The following GRAMD1A variants were observed in gnomAD, a reference collection of about 807,000 sequenced individuals.
GRAMD1A encodes protein Aster-A.
GRAMD1A carries 50 observed loss-of-function variants against 92.0 expected under a neutral mutation model. The observed-to-expected ratio is 0.54, with a 90% CI of 0.43 to 0.69. The LOEUF is 0.69. GRAMD1A is among the 30% of genes least tolerant of loss of function. The probability of loss-of-function intolerance (pLI) is 0.00; values close to 1 mark genes in which losing one functional copy is unlikely to be tolerated. For missense variants in GRAMD1A, 819 were observed against 978.9 expected (o/e 0.84, Z 2.18); for synonymous variants, 405 against 403.6 (o/e 1.00, Z -0.04).
At position 35,026,321 on chromosome 19, in the gene GRAMD1A, G is replaced by A; in HGVS notation, c.*180G>A. 2 of 593,136 alleles carry A rather than the reference G, an allele frequency of 3.4e-6. No homozygotes were observed. The highest frequency in any genetic ancestry group is 6.0e-6 in the Non-Finnish European group (2 of 331,012). 36.7% of individuals were successfully genotyped at this position (593,136 alleles called of 1,614,324 possible). A position where few individuals can be genotyped will look rare whatever the true frequency, so the allele number is the denominator to read the frequency against. Reference sequence around the variant, plus strand: ...AGATGCACTTTAGACCAGGGAGCTGGCCCGGCCTCTGGCAGGCCCCCCACT... The same window carrying A: ...AGATGCACTTTAGACCAGGGAGCTGACCCGGCCTCTGGCAGGCCCCCCACT... On this transcript the variant is annotated 3_prime_UTR_variant, in exon 20 of 20. Coordinates refer to ENST00000317991, the MANE Select transcript of GRAMD1A (RefSeq NM_020895.5).
At position 35,023,632 on chromosome 19, in the gene GRAMD1A, CCT is replaced by C. The variant is rs1235912458; in HGVS notation, c.2082+89_2082+90del. ...ACCCCACCGTGCGGCAGGCACTTCC[CCT>C]CTCCGGATCTCAGTGTCCTCCTCTG... is the stretch of plus-strand genomic sequence containing the variant. On this transcript the variant is annotated intron_variant, in intron 19 of 19. Transcript: ENST00000317991. The C allele has an allele frequency of 1.1e-5, 14 of 1,307,944 alleles. No homozygotes were observed. In the East Asian group the frequency reaches 3.5e-4, roughly 33 times the overall value. 81.0% of individuals were successfully genotyped at this position (1,307,944 alleles called of 1,614,324 possible). A position where few individuals can be genotyped will look rare whatever the true frequency, so the allele number is the denominator to read the frequency against.
upstream of GRAMD1A, chr19:34,995,982 T>C: frequency 2.0e-6 from 3 of 1,486,794 alleles, no homozygotes; most frequent in South Asian, 2.5e-5. Flanking sequence ...ATCTCTTTTT[T>C]CTCTTTCCCA....
rs2016445380 is a variant in GRAMD1A, at chr19:35,026,420, GTATTA to G, written c.*284_*288del. The G allele has an allele frequency of 4.2e-6, 2 of 471,200 alleles. No individual in the cohort carries two copies. 29.2% of individuals were successfully genotyped at this position (471,200 alleles called of 1,614,324 possible). On this transcript the variant is annotated 3_prime_UTR_variant, in exon 20 of 20. Transcript: ENST00000317991. Reference sequence around the variant, plus strand: ...CGATTCCCTCAGCTCTGGGTTTAATGTATTATATTTATTTGGGGCCGACAGTGCCC... The same window carrying G: ...CGATTCCCTCAGCTCTGGGTTTAATGTATTTATTTGGGGCCGACAGTGCCC...
chr19:34,996,189 A>C (rs1377411825), upstream of GRAMD1A: 3 of 1,535,644 alleles, frequency 2.0e-6, no homozygotes, highest in African/African-American at 1.4e-5. Flanking sequence ...CCCATCATTC[A>C]CATAACGCCA....
upstream of GRAMD1A, chr19:34,996,292 G>A: frequency 6.6e-7 from 1 of 1,517,640 alleles, no homozygotes. Context: ...CCCAGGACAG[G>A]TCAGACCTGG....
At position 35,026,168 on chromosome 19, in the gene GRAMD1A, C is replaced by A. The variant is rs772403122; in HGVS notation, c.*27C>A. ...GACCCCGGCCACGCAGCTGTTCCCCCACATGGACAGATGGACACACAGAGC... is the reference window on the plus strand; with the variant it reads ...GACCCCGGCCACGCAGCTGTTCCCCAACATGGACAGATGGACACACAGAGC... On this transcript the variant is annotated 3_prime_UTR_variant, in exon 20 of 20. Coordinates refer to ENST00000317991, the MANE Select transcript of GRAMD1A (RefSeq NM_020895.5). The A allele has an allele frequency of 6.9e-6, 8 of 1,161,524 alleles. No homozygotes were observed. In the South Asian group the frequency reaches 9.7e-5, roughly 14 times the overall value. 72.0% of individuals were successfully genotyped at this position (1,161,524 alleles called of 1,614,324 possible). A position where few individuals can be genotyped will look rare whatever the true frequency, so the allele number is the denominator to read the frequency against.
intron 6 of GRAMD1A, chr19:35,010,757 G>C (rs2015175223): frequency 5.9e-6 from 3 of 512,022 alleles, no homozygotes; most frequent in Middle Eastern, 5.0e-4. Context: ...AAGGGGGACA[G>C]GTGTGGGGGA....
In GRAMD1A at chr19:35,021,394, C is replaced by A; in HGVS notation, c.1476-108C>A. On this transcript the variant is annotated intron_variant, in intron 13 of 19. Transcript: ENST00000317991. This position sits in a 1 kb window ranked among gnomAD's most constrained non-coding sequence, Gnocchi z 5.3. Reference sequence around the variant, plus strand: ...ACCCATCTGTTTTGTCTGTGAGTGACAAGGGGCCCTCTCTGAATTAGGGGA... The same window carrying A: ...ACCCATCTGTTTTGTCTGTGAGTGAAAAGGGGCCCTCTCTGAATTAGGGGA... 1.3e-6 allele frequency: 1 copy of A among 797,348 alleles called. No individual in the cohort carries two copies. Among genetic ancestry groups the A allele is most frequent in the Non-Finnish European group, 2.2e-6 (1 of 461,686 alleles). The allele number at this position is 797,348 out of a possible 1,614,324, so 49.4% of individuals were successfully genotyped here. A position where few individuals can be genotyped will look rare whatever the true frequency, so the allele number is the denominator to read the frequency against.
intron 7 of GRAMD1A, among the ~76,000 whole-genome samples, chr19:35,011,815 T>C (rs1304897230): frequency 6.6e-6 from 1 of 152,204 alleles, no homozygotes; most frequent in Non-Finnish European, 1.5e-5. Context: ...CAGGTTCCAC[T>C]GGCAGCGGGG....
At position 35,013,744 on chromosome 19, in the gene GRAMD1A, G is replaced by A; in HGVS notation, c.870+53G>A. On this transcript the variant is annotated intron_variant, in intron 9 of 19. Coordinates refer to ENST00000317991, the MANE Select transcript of GRAMD1A (RefSeq NM_020895.5). The surrounding 1 kb of genome is among the most constrained non-coding windows in gnomAD (Gnocchi z 4.9). ...GATACTGATAGGAAGAGAGAGGAGG[G>A]CTGGGGGTGCAGTGGGAGAAGAACA... 1 of 1,528,976 alleles carries A rather than the reference G, an allele frequency of 6.5e-7. No homozygotes were observed. Among genetic ancestry groups the A allele is most frequent in the South Asian group, 1.2e-5 (1 of 83,346 alleles). The allele number at this position is 1,528,976 out of a possible 1,614,324, so 94.7% of individuals were successfully genotyped here.
intron 16 of GRAMD1A, 64 bp from the exon 17 acceptor site, chr19:35,022,836 G>A: frequency 3.9e-6 from 6 of 1,554,530 alleles, no homozygotes; most frequent in Middle Eastern, 2.0e-4. Context: ...AGGAGGGCTG[G>A]GGGTGTCGGG....
In GRAMD1A at chr19:35,026,197, G is replaced by T; in HGVS notation, c.*56G>T. The T allele has an allele frequency of 1.1e-6, 1 of 923,292 alleles. No individual in the cohort carries two copies. Among genetic ancestry groups the T allele is most frequent in the Non-Finnish European group, 1.8e-6 (1 of 560,248 alleles). The allele number at this position is 923,292 out of a possible 1,614,324, so 57.2% of individuals were successfully genotyped here. A position where few individuals can be genotyped will look rare whatever the true frequency, so the allele number is the denominator to read the frequency against. ...TGGACAGATGGACACACAGAGCCTC[G>T]GCGGCCACTGCTGGCACGGTGTGAG... is the stretch of plus-strand genomic sequence containing the variant. On this transcript the variant is annotated 3_prime_UTR_variant, in exon 20 of 20. Transcript: ENST00000317991.
chr19:35,010,156 G>A lies in GRAMD1A; in HGVS notation c.390G>A (p.Trp130Ter). 6.2e-7 allele frequency: 1 copy of A among 1,613,516 alleles called. No homozygotes were observed. Among genetic ancestry groups the A allele is most frequent in the Non-Finnish European group, 8.5e-7 (1 of 1,179,406 alleles). The stretch of plus-strand genomic sequence containing the variant: ...GCCGCCTCTACCTCTCTGAGAACTG[G>A]ATCTGCTTCTACAGCAACATCTTCC... The part of the protein sequence containing the change: ...LQGRLYLSEN[W>*]ICFYSNIFRW... The change falls in exon 5 of 20, where the codon TGG becomes TGA. Residue 130 changes from tryptophan (W) to a stop codon, truncating the protein, a stop_gained. Coordinates refer to ENST00000317991, the MANE Select transcript of GRAMD1A (RefSeq NM_020895.5). LOFTEE classifies it high-confidence loss of function.
intron 13 of GRAMD1A, among the ~76,000 whole-genome samples, chr19:35,020,738 C>T (rs1337582210): frequency 6.6e-6 from 1 of 151,392 alleles, no homozygotes; most frequent in Non-Finnish European, 1.5e-5. Context: ...TGAGGTGCAA[C>T]CAGGCCAGGG....
At chr19:34,997,057 G>A (rs1055631656), upstream of GRAMD1A, among the ~76,000 whole-genome samples, 83 of 152,060 alleles carry the variant, frequency 5.5e-4, no homozygotes, top group African/African-American at 2.0e-3. Flanking sequence ...GACCACAGAT[G>A]TGCACCACCA....
At position 35,013,776 on chromosome 19, in the gene GRAMD1A, C is replaced by G; in HGVS notation, c.870+85C>G. On this transcript the variant is annotated intron_variant, in intron 9 of 19. Transcript: ENST00000317991. The surrounding 1 kb of genome is among the most constrained non-coding windows in gnomAD (Gnocchi z 4.9). ...GTGCAGTGGGAGAAGAACAGCCTGA[C>G]AGATTTGGAGGGGAATGGATAGGGG... 7.3e-7 allele frequency: 1 copy of G among 1,376,550 alleles called. No homozygotes were observed. The highest frequency in any genetic ancestry group is 1.3e-5 in the South Asian group (1 of 76,764). 85.3% of individuals were successfully genotyped at this position (1,376,550 alleles called of 1,614,324 possible). A position where few individuals can be genotyped will look rare whatever the true frequency, so the allele number is the denominator to read the frequency against.
At chr19:35,003,061 GGTGTGTGTGTGTGTGTGTGT>G (rs58809497) in intron 1 of GRAMD1A, among the ~76,000 whole-genome samples, 1 of 142,232 alleles carries the variant, frequency 7.0e-6, no homozygotes, top group Non-Finnish European at 1.5e-5. Context: ...CAATGCTGCA[GGTGTGTGTGTGTGTGTGTGT>G]GTGTGTGTGT....
Position 35,015,864 on chromosome 19 carries a change from C to T in GRAMD1A, c.1110C>T (p.Leu370=). 6.2e-7 allele frequency: 1 copy of T among 1,614,152 alleles called. No homozygotes were observed. The highest frequency in any genetic ancestry group is 8.5e-7 in the Non-Finnish European group (1 of 1,180,006). Residue 370 remains leucine, a synonymous_variant, in exon 11 of 20, where the codon CTC becomes CTT. Transcript: ENST00000317991. ...TGCTTCCCGACCTCTCCGGCCGCCT[C>T]CTCATCAACTCTGTCTTCCATGTGG... ...AALLPDLSGR[L]LINSVFHVGA...
Position 35,013,812 on chromosome 19 carries a change from G to C in GRAMD1A, c.870+121G>C. The C allele has an allele frequency of 9.9e-7, 1 of 1,009,588 alleles. No homozygotes were observed. The highest frequency in any genetic ancestry group is 1.5e-6 in the Non-Finnish European group (1 of 683,148). The allele number at this position is 1,009,588 out of a possible 1,614,324, so 62.5% of individuals were successfully genotyped here. A position where few individuals can be genotyped will look rare whatever the true frequency, so the allele number is the denominator to read the frequency against. On this transcript the variant is annotated intron_variant, in intron 9 of 19. Transcript: ENST00000317991. This position sits in a 1 kb window ranked among gnomAD's most constrained non-coding sequence, Gnocchi z 4.9. ...GGGAATGGATAGGGGGACAGGGGAG[G>C]CCTGGATGGAGGAACAGGACAGGGA...
Sources: allele counts gnomAD v4.1 joint callset (sites outside exome capture counted in the v4.1 genomes callset), GRCh38; gene constraint gnomAD v4.1.1; non-coding constraint Gnocchi (gnomAD v3.1); transcripts MANE v1.5; gene names NCBI Gene and HGNC (gene_info 2026-07-23, HGNC 2026-07-21).